Variants in WDR59 observed in about 807,000 individuals in gnomAD.
The protein encoded by WDR59 is GATOR2 complex protein WDR59.
WDR59 carries 100 observed loss-of-function variants against 131.2 expected under a neutral mutation model. That is an observed-to-expected ratio of 0.76 (90% CI 0.65 to 0.90). The LOEUF is 0.90. WDR59 is among the 40% of genes least tolerant of loss of function. WDR59 has a pLI of 0.00. For synonymous variants in WDR59, 601 were observed against 466.2 expected (o/e 1.29, Z -3.72); for missense variants, 1,203 against 1,262.2 (o/e 0.95, Z 0.71).
chr16:74,878,969 C>T (rs1281561369), intron 25 of WDR59, among the ~76,000 whole-genome samples: 2 of 152,160 alleles, frequency 1.3e-5, no homozygotes, highest in African/African-American at 4.8e-5. Flanking sequence ...TTAGAGAAAA[C>T]ATGTCAAAAT....
rs1171059161 is a variant in WDR59, at chr16:74,872,062, T to G, written c.*2147A>C. On this transcript the variant is annotated 3_prime_UTR_variant, in exon 26 of 26. Transcript: ENST00000262144. ...AATGAATTTACGCTATGATCCGGTATACACCTGTGCACACATGTGCTGCAC... is the reference window on the plus strand; with the variant it reads ...AATGAATTTACGCTATGATCCGGTAGACACCTGTGCACACATGTGCTGCAC... 2 of 152,296 alleles carry G rather than the reference T, an allele frequency of 1.3e-5. No individual in the cohort carries two copies. The highest frequency in any genetic ancestry group is 2.9e-5 in the Non-Finnish European group (2 of 68,058). The allele number at this position is 152,296 out of a possible 1,614,324, so 9.4% of individuals were successfully genotyped here. A position where few individuals can be genotyped will look rare whatever the true frequency, so the allele number is the denominator to read the frequency against.
intron 1 of WDR59, among the ~76,000 whole-genome samples, chr16:74,980,669 T>C (rs1032547040): frequency 1.3e-5 from 2 of 152,184 alleles, no homozygotes; most frequent in Non-Finnish European, 2.9e-5. Context: ...CTAAAAGTTT[T>C]AATTTTAAAA....
intron 1 of WDR59, among the ~76,000 whole-genome samples, chr16:74,977,114 C>A (rs915917620): frequency 6.6e-6 from 1 of 151,996 alleles, no homozygotes; most frequent in African/African-American, 2.4e-5. Flanking sequence ...CTCACAAATA[C>A]AGACACAGTT....
chr16:74,966,941 T>C (rs948491977), intron 1 of WDR59, among the ~76,000 whole-genome samples: 3 of 152,198 alleles, frequency 2.0e-5, no homozygotes, highest in African/African-American at 4.8e-5. Flanking sequence ...TTGCCCTGAA[T>C]TTCTTTGGAC....
At chr16:74,943,560 A>C (rs1597767461) in intron 6 of WDR59, among the ~76,000 whole-genome samples, 1 of 152,308 alleles carries the variant, frequency 6.6e-6, no homozygotes, top group East Asian at 1.9e-4. Flanking sequence ...GACATGGAAA[A>C]CTGGGACACA....
chr16:74,950,151 G>A (rs2032911995), intron 4 of WDR59, among the ~76,000 whole-genome samples: 1 of 152,096 alleles, frequency 6.6e-6, no homozygotes, highest in African/African-American at 2.4e-5. Flanking sequence ...AGACCAGCCT[G>A]GCCAGTATGG....
intron 2 of WDR59, among the ~76,000 whole-genome samples, chr16:74,964,576 A>T (rs1015539039): frequency 6.6e-6 from 1 of 152,126 alleles, no homozygotes; most frequent in African/African-American, 2.4e-5. Context: ...ATACTTTTTT[A>T]AAAAAGGTAA....
At chr16:74,950,748 G>C (rs1431255063) in intron 4 of WDR59, among the ~76,000 whole-genome samples, 1 of 152,116 alleles carries the variant, frequency 6.6e-6, no homozygotes, top group East Asian at 1.9e-4. Flanking sequence ...CTCTGTAACC[G>C]CTGCTGCCGG....
intron 1 of WDR59, among the ~76,000 whole-genome samples, chr16:74,973,226 A>C (rs1329200525): frequency 6.6e-6 from 1 of 152,112 alleles, no homozygotes; most frequent in East Asian, 1.9e-4. Context: ...GAGCAACAAG[A>C]GCAAAACTCT....
In WDR59 at chr16:74,921,946, C is replaced by T; in HGVS notation, c.886+1G>A. 1.2e-6 allele frequency: 2 copies of T among 1,613,746 alleles called. No individual in the cohort carries two copies. Among genetic ancestry groups the T allele is most frequent in the Non-Finnish European group, 1.7e-6 (2 of 1,179,888 alleles). On this transcript the variant is annotated splice_donor_variant, in intron 10 of 25. Transcript: ENST00000262144. LOFTEE classifies it high-confidence loss of function. ...GTGGGCAGCAGGCCTCTCCCACTCA[C>T]CTTCCTTCTGCTTCCTCCACTGGAA...
chr16:74,935,629 A>G (rs1479342611), intron 8 of WDR59, among the ~76,000 whole-genome samples: 3 of 152,168 alleles, frequency 2.0e-5, no homozygotes, highest in Non-Finnish European at 4.4e-5. Context: ...TAGAAAAATT[A>G]CACATATTGG....
chr16:74,935,793 T>C (rs144809206), intron 8 of WDR59, among the ~76,000 whole-genome samples: 4,962 of 152,126 alleles, frequency 0.033, 131 homozygotes, highest in Non-Finnish European at 0.05. Context: ...GGTCAAGAGA[T>C]TGAGACCATC....
intron 21 of WDR59, among the ~76,000 whole-genome samples, 167 bp from the exon 22 acceptor site, chr16:74,888,486 C>A (rs1483218059): frequency 6.6e-6 from 1 of 152,160 alleles, no homozygotes; most frequent in Non-Finnish European, 1.5e-5. Context: ...GGCAGTTTGA[C>A]CTACTTTGAG....
Position 74,985,087 on chromosome 16 carries a change from C to G in WDR59, c.-70G>C. 6.9e-7 allele frequency: 1 copy of G among 1,448,214 alleles called. No individual in the cohort carries two copies. The highest frequency in any genetic ancestry group is 9.5e-7 in the Non-Finnish European group (1 of 1,055,298). The allele number at this position is 1,448,214 out of a possible 1,614,324, so 89.7% of individuals were successfully genotyped here. On this transcript the variant is annotated 5_prime_UTR_variant, in exon 1 of 26. Transcript: ENST00000262144. ...CCCGCCGTCCCCAGTATCCCGGGACCGTGCGCCCCACACAGCCAGAGAATC... is the reference window on the plus strand; with the variant it reads ...CCCGCCGTCCCCAGTATCCCGGGACGGTGCGCCCCACACAGCCAGAGAATC...
intron 24 of WDR59, chr16:74,886,021 A>G: frequency 1.5e-6 from 1 of 664,528 alleles, no homozygotes. Flanking sequence ...TACTAAAAAT[A>G]CAAAAAATTA....
intron 7 of WDR59, among the ~76,000 whole-genome samples, chr16:74,941,831 C>A (rs1323266935): frequency 5.9e-5 from 9 of 152,182 alleles, no homozygotes; most frequent in Non-Finnish European, 1.5e-5. Flanking sequence ...CAGACAGGAT[C>A]TGCCACGCCT....
chr16:74,920,389 G>A (rs2030083261), intron 10 of WDR59, among the ~76,000 whole-genome samples: 1 of 152,086 alleles, frequency 6.6e-6, no homozygotes, highest in Non-Finnish European at 1.5e-5. Flanking sequence ...AGTGGGTTAG[G>A]TGGGTTAAAT....
chr16:74,962,460 T>C (rs910957355), intron 2 of WDR59, among the ~76,000 whole-genome samples: 2 of 152,198 alleles, frequency 1.3e-5, no homozygotes, highest in East Asian at 1.9e-4. Flanking sequence ...TCTGATTTCC[T>C]TGTACAGTGG....
intron 24 of WDR59, 116 bp downstream of exon 24, chr16:74,886,154 G>A (rs1241513067): frequency 1.5e-6 from 2 of 1,304,382 alleles, no homozygotes; most frequent in East Asian, 2.4e-5. Context: ...CTCCAACCTA[G>A]TGACCGGGTA....
Sources: gnomAD v4.1 joint callset for allele counts (sites outside exome capture counted in the v4.1 genomes callset) on GRCh38, gnomAD v4.1.1 for gene constraint, MANE v1.5 for transcripts, NCBI Gene and HGNC (gene_info 2026-07-23, HGNC 2026-07-21) for gene names.